NLGN1: variants seen among roughly 807,000 people sequenced by gnomAD.
NLGN1 encodes neuroligin 1.
NLGN1 carries 12 observed loss-of-function variants against 65.5 expected under a neutral mutation model. The ratio of observed to expected loss-of-function variants is 0.18; its 90% CI spans 0.12 to 0.30. NLGN1 has a LOEUF of 0.30. Among genes scored for constraint, NLGN1 ranks in the 10% least tolerant of loss-of-function variants. NLGN1 has a pLI of 1.00. For synonymous variants in NLGN1, 350 were observed against 359.5 expected, an observed-to-expected ratio of 0.97 and a Z score of 0.30; for missense variants, 750 against 1,007.1, an observed-to-expected ratio of 0.74 and a Z score of 3.46.
intron 3 of NLGN1, among the ~76,000 whole-genome samples, chr3:173,799,365 C>T (rs917775866): frequency 2.6e-4 from 40 of 152,030 alleles, no homozygotes; most frequent in East Asian, 1.2e-3. Context: ...TGCCCTTTGA[C>T]GTCCCCTTTG....
chr3:173,563,935 T>G (rs1743205836), intron 2 of NLGN1, among the ~76,000 whole-genome samples: 1 of 152,240 alleles, frequency 6.6e-6, no homozygotes, highest in African/African-American at 2.4e-5. Context: ...CTCCTTCCAC[T>G]CTTCTGCTCA....
chr3:173,819,373 G>A (rs1291692507), intron 4 of NLGN1, among the ~76,000 whole-genome samples: 2 of 151,992 alleles, frequency 1.3e-5, no homozygotes, highest in African/African-American at 2.4e-5. Flanking sequence ...ATCTCTAAAC[G>A]GTTCTCACTG....
intron 4 of NLGN1, among the ~76,000 whole-genome samples, chr3:174,052,985 T>C (rs1006894127): frequency 1.3e-5 from 2 of 152,032 alleles, no homozygotes; most frequent in African/African-American, 4.8e-5. Flanking sequence ...CCTGTTCCTA[T>C]GAAGGCCATT....
At chr3:174,048,050 G>A (rs1204893162) in intron 4 of NLGN1, among the ~76,000 whole-genome samples, 3 of 152,044 alleles carry the variant, frequency 2.0e-5, no homozygotes, top group Admixed American at 2.0e-4. Flanking sequence ...AAATAGAGCA[G>A]TTGCACAGGA....
intron 2 of NLGN1, among the ~76,000 whole-genome samples, chr3:173,452,202 C>CTTTTTTTTTTT (rs572500549): frequency 1.3e-4 from 19 of 146,620 alleles, no homozygotes; most frequent in African/African-American, 4.8e-4. Flanking sequence ...TCTTGGCTTC[C>CTTTTTTTTTTT]TTTTTTTTTT....
At chr3:174,084,514 CATTT>C (rs1742881414) in intron 4 of NLGN1, among the ~76,000 whole-genome samples, 1 of 152,044 alleles carries the variant, frequency 6.6e-6, no homozygotes, top group African/African-American at 2.4e-5. Context: ...AAATTATATT[CATTT>C]AATCTTTGTC....
At chr3:173,632,827 C>T (rs1755899389) in intron 3 of NLGN1, among the ~76,000 whole-genome samples, 1 of 142,490 alleles carries the variant, frequency 7.0e-6, no homozygotes. Flanking sequence ...AGAAGTCCTC[C>T]TTGAGTAGTG....
At chr3:174,181,862 G>C (rs1442891070) in intron 4 of NLGN1, among the ~76,000 whole-genome samples, 3 of 150,290 alleles carry the variant, frequency 2.0e-5, no homozygotes. Context: ...TGTAGTCCCA[G>C]CTACTTGGGA....
intron 4 of NLGN1, among the ~76,000 whole-genome samples, chr3:174,001,238 A>T (rs1226355527): frequency 2.6e-5 from 4 of 152,188 alleles, no homozygotes; most frequent in Non-Finnish European, 5.9e-5. Flanking sequence ...GTGACCAGAA[A>T]AGTGTTGGGC....
At chr3:174,023,110 A>G (rs973954472) in intron 4 of NLGN1, among the ~76,000 whole-genome samples, 1 of 152,182 alleles carries the variant, frequency 6.6e-6, no homozygotes, top group Non-Finnish European at 1.5e-5. Context: ...AGGCAGAAAG[A>G]AAAATGAGAC....
chr3:173,958,848 A>G (rs541005357), intron 4 of NLGN1, among the ~76,000 whole-genome samples: 2 of 152,074 alleles, frequency 1.3e-5, no homozygotes, highest in African/African-American at 4.8e-5. Context: ...CCTCTCTCCC[A>G]TGCTCATTGG....
intron 2 of NLGN1, among the ~76,000 whole-genome samples, chr3:173,469,392 C>T (rs1170424259): frequency 6.6e-6 from 1 of 152,082 alleles, no homozygotes; most frequent in African/African-American, 2.4e-5. Context: ...CCAAGTTACA[C>T]TGATGATCCC....
At chr3:173,718,458 G>A (rs1255115116) in intron 3 of NLGN1, among the ~76,000 whole-genome samples, 2 of 151,980 alleles carry the variant, frequency 1.3e-5, no homozygotes, top group Non-Finnish European at 2.9e-5. Flanking sequence ...CATCCATGTT[G>A]CTGAAAAAAA....
chr3:174,058,805 T>C (rs1435416783), intron 4 of NLGN1, among the ~76,000 whole-genome samples: 1 of 152,128 alleles, frequency 6.6e-6, no homozygotes, highest in African/African-American at 2.4e-5. Context: ...GAGATTTTTT[T>C]AAGAGGCATA....
chr3:174,139,959 G>A (rs893381852), intron 4 of NLGN1, among the ~76,000 whole-genome samples: 1 of 152,008 alleles, frequency 6.6e-6, no homozygotes, highest in African/African-American at 2.4e-5. Context: ...TCTTACTGTT[G>A]AGCTTTGAAA....
intron 4 of NLGN1, among the ~76,000 whole-genome samples, chr3:174,161,861 A>G (rs1019295624): frequency 6.6e-6 from 1 of 151,848 alleles, no homozygotes; most frequent in Non-Finnish European, 1.5e-5. Flanking sequence ...ATCAATTTCT[A>G]TATGTATTGA....
intron 3 of NLGN1, among the ~76,000 whole-genome samples, chr3:173,686,905 A>C (rs917327252): frequency 1.3e-5 from 2 of 152,084 alleles, no homozygotes; most frequent in African/African-American, 2.4e-5. Flanking sequence ...GTGAGCCGAG[A>C]TCACGCCATT....
At chr3:173,801,721 G>A (rs538287890) in intron 3 of NLGN1, among the ~76,000 whole-genome samples, 11 of 151,864 alleles carry the variant, frequency 7.2e-5, no homozygotes, top group Non-Finnish European at 1.0e-4. Context: ...CACCAGCAGT[G>A]GATTAAAGAT....
intron 4 of NLGN1, among the ~76,000 whole-genome samples, chr3:173,991,530 C>T (rs776000013): frequency 1.3e-5 from 2 of 152,112 alleles, no homozygotes; most frequent in Non-Finnish European, 2.9e-5. Flanking sequence ...CTATTGAGCA[C>T]TTGATATGTG....
Sources: gnomAD v4.1 joint callset for allele counts (sites outside exome capture counted in the v4.1 genomes callset) on GRCh38, gnomAD v4.1.1 for gene constraint, MANE v1.5 for transcripts, NCBI Gene and HGNC (gene_info 2026-07-23, HGNC 2026-07-21) for gene names.